Variants in EDNRB observed in about 807,000 individuals in gnomAD.
EDNRB encodes Hirschsprung disease 2.
Under a neutral mutation model 46.4 loss-of-function variants are expected in EDNRB, and 18 were observed. The ratio of observed to expected loss-of-function variants is 0.39; its 90% CI spans 0.27 to 0.57. EDNRB has a LOEUF of 0.57. EDNRB is among the 20% of genes least tolerant of loss of function. EDNRB has a pLI of 0.61. For missense variants in EDNRB, 434 were observed against 537.5 expected, an observed-to-expected ratio of 0.81 and a Z score of 1.90; for synonymous variants, 213 against 204.9, an observed-to-expected ratio of 1.04 and a Z score of -0.34.
chr13:77,914,403 A>G (rs114500495), intron 1 of EDNRB, among the ~76,000 whole-genome samples: 2,592 of 152,310 alleles, frequency 0.017, 84 homozygotes, highest in African/African-American at 0.056. Flanking sequence ...ATAAAACTTA[A>G]CATTTTAATG....
At chr13:77,918,943 C>G (rs552118279), upstream of EDNRB, 46 of 1,153,666 alleles carry the variant, frequency 4.0e-5, no homozygotes, top group South Asian at 1.5e-3. The surrounding 1 kb of genome is among the most constrained non-coding windows in gnomAD (Gnocchi z 4.5). Flanking sequence ...AACTCTTTCA[C>G]GTAACGGGAG....
intron 1 of EDNRB, among the ~76,000 whole-genome samples, chr13:77,959,729 C>G (rs1305402317): frequency 1.3e-5 from 2 of 152,202 alleles, no homozygotes; most frequent in Non-Finnish European, 2.9e-5. Context: ...TTCAGATGAT[C>G]AAACTTCTCC....
At chr13:77,972,283 G>A (rs1345512099) in intron 1 of EDNRB, among the ~76,000 whole-genome samples, 1 of 152,200 alleles carries the variant, frequency 6.6e-6, no homozygotes, top group Non-Finnish European at 1.5e-5. Context: ...ATGTGCACAA[G>A]CATAACAATT....
intron 1 of EDNRB, among the ~76,000 whole-genome samples, chr13:77,966,318 C>A (rs1238103694): frequency 1.3e-5 from 2 of 152,140 alleles, no homozygotes; most frequent in East Asian, 3.9e-4. Context: ...CTCACCTGTG[C>A]CCCCACAAAA....
chr13:77,927,536 G>A (rs575717144), intron 1 of EDNRB, among the ~76,000 whole-genome samples: 1 of 152,304 alleles, frequency 6.6e-6, no homozygotes, highest in East Asian at 1.9e-4. Context: ...TGACAATCAG[G>A]AACCTGATAT....
intron 1 of EDNRB, among the ~76,000 whole-genome samples, chr13:77,973,633 T>C (rs1881801164): frequency 2.0e-5 from 3 of 152,182 alleles, no homozygotes; most frequent in South Asian, 2.1e-4. Flanking sequence ...TACATTCTTA[T>C]GCCTCCTTAT....
intron 1 of EDNRB, among the ~76,000 whole-genome samples, chr13:77,969,120 G>A (rs1047515642): frequency 4.6e-5 from 7 of 152,090 alleles, no homozygotes; most frequent in Admixed American, 2.6e-4. Flanking sequence ...GTTCCTATTA[G>A]TTATATAGCA....
chr13:77,973,261 A>G (rs1566344927), intron 1 of EDNRB, among the ~76,000 whole-genome samples: 1 of 152,176 alleles, frequency 6.6e-6, no homozygotes, highest in Non-Finnish European at 1.5e-5. Context: ...TGCTTCCTGT[A>G]TGATTTTTAT....
chr13:77,963,411 C>T (rs1215842068), intron 1 of EDNRB, among the ~76,000 whole-genome samples: 2 of 151,974 alleles, frequency 1.3e-5, no homozygotes, highest in Non-Finnish European at 2.9e-5. Flanking sequence ...GGTACTGGTA[C>T]CAAAACAGAG....
chr13:77,961,312 A>G (rs1881404676), intron 1 of EDNRB, among the ~76,000 whole-genome samples: 2 of 152,156 alleles, frequency 1.3e-5, no homozygotes, highest in Admixed American at 6.6e-5. Flanking sequence ...ATAGACATCT[A>G]CAGAACTCTC....
intron 1 of EDNRB, among the ~76,000 whole-genome samples, chr13:77,960,640 A>G (rs1881379929): frequency 6.6e-6 from 1 of 152,182 alleles, no homozygotes; most frequent in Non-Finnish European, 1.5e-5. Flanking sequence ...TAATGAGCAA[A>G]ATAACCAGTT....
intron 1 of EDNRB, among the ~76,000 whole-genome samples, chr13:77,943,709 C>A (rs1289178674): frequency 6.6e-6 from 1 of 152,026 alleles, no homozygotes; most frequent in Non-Finnish European, 1.5e-5. Flanking sequence ...ACTTCAACTT[C>A]CTCTTCATTA....
upstream of EDNRB, chr13:77,919,861 G>C (rs568839088): frequency 1.2e-5 from 5 of 423,236 alleles, no homozygotes; most frequent in African/African-American, 7.8e-5. Context: ...ACTAGAACAA[G>C]GCTCTGCACT....
chr13:77,936,601 G>A (rs931833894), intron 1 of EDNRB, among the ~76,000 whole-genome samples: 11 of 152,328 alleles, frequency 7.2e-5, no homozygotes, highest in East Asian at 1.9e-4. Context: ...CTGCTAAGCC[G>A]AGAAGATCTG....
At chr13:77,913,463 A>G (rs112968689) in intron 1 of EDNRB, among the ~76,000 whole-genome samples, 15 of 152,134 alleles carry the variant, frequency 9.9e-5, no homozygotes, top group African/African-American at 3.6e-4. Context: ...TTACCAAACT[A>G]GTTAATGTGG....
upstream of EDNRB, among the ~76,000 whole-genome samples, chr13:77,921,396 C>T (rs931968511): frequency 6.6e-6 from 1 of 152,172 alleles, no homozygotes; most frequent in South Asian, 2.1e-4. Flanking sequence ...GCATTAGACA[C>T]CTTTTCACAG....
chr13:77,933,755 C>T (rs879932110), intron 1 of EDNRB, among the ~76,000 whole-genome samples: 1 of 151,902 alleles, frequency 6.6e-6, no homozygotes, highest in Non-Finnish European at 1.5e-5. Flanking sequence ...CTGCTTCGAG[C>T]GGGATTAGGG....
chr13:77,940,039 A>G (rs1396817382), intron 1 of EDNRB: 1 of 151,832 alleles, frequency 6.6e-6, no homozygotes, highest in Non-Finnish European at 1.5e-5. Flanking sequence ...AAAAATAAAA[A>G]TTCTTATGTA....
chr13:77,945,894 CA>C (rs1049862334), intron 1 of EDNRB, among the ~76,000 whole-genome samples: 4 of 108,372 alleles, frequency 3.7e-5, no homozygotes, highest in South Asian at 3.1e-4. Context: ...AAAAAAAAAA[CA>C]AAAAAAACAC....
Sources: allele counts gnomAD v4.1 joint callset (sites outside exome capture counted in the v4.1 genomes callset), GRCh38; gene constraint gnomAD v4.1.1; non-coding constraint Gnocchi (gnomAD v3.1); transcripts MANE v1.5; gene names NCBI Gene and HGNC (gene_info 2026-07-23, HGNC 2026-07-21).